CCDC178: variants seen among roughly 807,000 people sequenced by gnomAD.
CCDC178 encodes the protein coiled-coil domain-containing protein 178.
In CCDC178, 126 loss-of-function variants were observed where a neutral mutation model predicts 117.4. The ratio of observed to expected loss-of-function variants is 1.07; its 90% CI spans 0.93 to 1.24. The LOEUF (loss-of-function observed/expected upper bound fraction) is 1.24, where lower values mean the gene tolerates loss of function less well. Ranked by LOEUF, CCDC178 falls within the 50% of genes most tolerant of loss-of-function variation. The pLI, the probability that CCDC178 is intolerant of heterozygous loss-of-function variation, is 0.00. For missense variants in CCDC178, 1,030 were observed against 986.9 expected, an observed-to-expected ratio of 1.04 and a Z score of -0.59; for synonymous variants, 283 against 313.4, an observed-to-expected ratio of 0.90 and a Z score of 1.02.
chr18:33,252,244 T>C (rs1022341920), intron 14 of CCDC178, among the ~76,000 whole-genome samples: 1 of 151,706 alleles, frequency 6.6e-6, no homozygotes, highest in African/African-American at 2.4e-5. Flanking sequence ...AGAAAGCTAA[T>C]GGATTGAAAA....
chr18:33,374,910 T>G (rs1366499396), intron 5 of CCDC178, among the ~76,000 whole-genome samples: 1 of 152,180 alleles, frequency 6.6e-6, no homozygotes, highest in East Asian at 1.9e-4. Flanking sequence ...TTTGAAATGT[T>G]ACAGTGGTAA....
At chr18:33,114,475 T>C (rs2057825523) in intron 20 of CCDC178, among the ~76,000 whole-genome samples, 1 of 152,052 alleles carries the variant, frequency 6.6e-6, no homozygotes, top group Non-Finnish European at 1.5e-5. Context: ...TGGTTCATAA[T>C]GGTTAATAAC....
chr18:33,117,635 T>C (rs564475774), intron 20 of CCDC178, among the ~76,000 whole-genome samples: 7 of 151,924 alleles, frequency 4.6e-5, no homozygotes, highest in African/African-American at 1.4e-4. Flanking sequence ...GATGAGTTAA[T>C]GGGTGCAGCA....
intron 3 of CCDC178, among the ~76,000 whole-genome samples, chr18:33,398,275 A>G (rs931450678): frequency 2.0e-5 from 3 of 152,106 alleles, no homozygotes; most frequent in African/African-American, 7.2e-5. Flanking sequence ...ATGAAAATAA[A>G]TTATATTCCA....
At chr18:33,303,633 T>A (rs1340733304) in intron 11 of CCDC178, among the ~76,000 whole-genome samples, 1 of 151,972 alleles carries the variant, frequency 6.6e-6, no homozygotes, top group African/African-American at 2.4e-5. Context: ...TCCACCCAAT[T>A]TTGCTGTGAG....
chr18:33,175,678 C>A (rs563022851), intron 20 of CCDC178, among the ~76,000 whole-genome samples: 3 of 152,136 alleles, frequency 2.0e-5, no homozygotes. Flanking sequence ...GGCCTTAAAC[C>A]GCTGAAGTGA....
chr18:33,170,521 T>G (rs2058585700), intron 20 of CCDC178, among the ~76,000 whole-genome samples: 2 of 152,264 alleles, frequency 1.3e-5, no homozygotes, highest in African/African-American at 4.8e-5. Flanking sequence ...TACTTGGGTG[T>G]TATATATACA....
intron 22 of CCDC178, among the ~76,000 whole-genome samples, chr18:32,941,212 A>G (rs1351995744): frequency 6.6e-6 from 1 of 152,124 alleles, no homozygotes; most frequent in East Asian, 1.9e-4. Context: ...GTTTGCCGGA[A>G]AAGAGTTCAA....
chr18:33,200,908 C>T (rs2058983367), intron 20 of CCDC178, among the ~76,000 whole-genome samples: 1 of 152,172 alleles, frequency 6.6e-6, no homozygotes, highest in African/African-American at 2.4e-5. Context: ...CAACACATGA[C>T]TTCAAAATGA....
intron 6 of CCDC178, among the ~76,000 whole-genome samples, chr18:33,362,909 C>T (rs147902310): frequency 1.3e-5 from 2 of 151,334 alleles, no homozygotes; most frequent in African/African-American, 2.4e-5. Context: ...TAATTTTATG[C>T]GATGTGAATT....
Position 33,215,581 on chromosome 18 carries a change from T to G in CCDC178, c.2047A>C (p.Lys683Gln). Residue 683 changes from lysine (K) to glutamine (Q), a missense_variant, in exon 19 of 23, where the codon AAA (lysine) becomes CAA (glutamine). Transcript: ENST00000383096. ...ATTTCAAGTGTCTGATCAAAACTTT[T>G]CTTTTCTTCTTCTTTTGCTTTTAAT... Reference protein sequence around the residue: ...EELKAKEEEKKSFDQTLEILK... With the variant: ...EELKAKEEEKQSFDQTLEILK... 1 of 1,475,010 alleles carries G rather than the reference T, an allele frequency of 6.8e-7. No homozygotes were observed. The highest frequency in any genetic ancestry group is 2.6e-5 in the Admixed American group (1 of 38,990). The allele number at this position is 1,475,010 out of a possible 1,614,324, so 91.4% of individuals were successfully genotyped here. A position where few individuals can be genotyped will look rare whatever the true frequency, so the allele number is the denominator to read the frequency against.
intron 20 of CCDC178, among the ~76,000 whole-genome samples, chr18:33,144,294 T>C (rs201670197): frequency 1.3e-5 from 2 of 152,108 alleles, no homozygotes; most frequent in East Asian, 3.9e-4. Flanking sequence ...AGATGTCATT[T>C]GTGATTTTAC....
intron 3 of CCDC178, among the ~76,000 whole-genome samples, chr18:33,398,366 G>T (rs879443962): frequency 4.6e-5 from 7 of 151,940 alleles, no homozygotes; most frequent in African/African-American, 7.2e-5. Context: ...GTATCTCAAA[G>T]AAATTTTTAA....
At chr18:33,428,499 C>T (rs1013638769) in intron 2 of CCDC178, among the ~76,000 whole-genome samples, 1 of 151,690 alleles carries the variant, frequency 6.6e-6, no homozygotes, top group Non-Finnish European at 1.5e-5. Context: ...TTTGGGAGGC[C>T]GAGGCAGGCA....
intron 9 of CCDC178, among the ~76,000 whole-genome samples, chr18:33,335,610 TTCTC>T (rs927356095): frequency 6.6e-6 from 1 of 152,086 alleles, no homozygotes; most frequent in Non-Finnish European, 1.5e-5. Context: ...TAACTATTAC[TTCTC>T]TCTGAGTCTA....
intron 12 of CCDC178, among the ~76,000 whole-genome samples, chr18:33,275,175 A>C (rs1474717378): frequency 6.6e-6 from 1 of 152,072 alleles, no homozygotes; most frequent in Admixed American, 6.6e-5. Context: ...TTACCCAACA[A>C]TTAGGTTGGT....
intron 20 of CCDC178, among the ~76,000 whole-genome samples, chr18:33,139,793 C>T (rs2058176536): frequency 6.6e-6 from 1 of 152,188 alleles, no homozygotes. Flanking sequence ...TTCAAGCCTG[C>T]TGCAGAAATT....
intron 2 of CCDC178, among the ~76,000 whole-genome samples, chr18:33,414,601 A>G (rs2063906806): frequency 6.6e-6 from 1 of 152,218 alleles, no homozygotes; most frequent in African/African-American, 2.4e-5. Flanking sequence ...AAAACCCTAG[A>G]AGAAAACTTA....
At chr18:33,430,667 A>T (rs1425299753) in intron 2 of CCDC178, among the ~76,000 whole-genome samples, 7 of 152,180 alleles carry the variant, frequency 4.6e-5, no homozygotes, top group African/African-American at 9.7e-5. Flanking sequence ...CACATCACTA[A>T]CATCATCAAA....
Sources: gnomAD v4.1 joint callset for allele counts (sites outside exome capture counted in the v4.1 genomes callset) on GRCh38, gnomAD v4.1.1 for gene constraint, MANE v1.5 for transcripts, NCBI Gene and HGNC (gene_info 2026-07-23, HGNC 2026-07-21) for gene names.